The following EHBP1 variants were observed in gnomAD, a reference collection of about 807,000 sequenced individuals.
EHBP1 encodes the protein EH domain-binding protein 1.
A neutral mutation model predicts 144.0 loss-of-function variants in EHBP1; 55 were observed. That is an observed-to-expected ratio of 0.38 (90% CI 0.31 to 0.48). The LOEUF is 0.48. Ranked by LOEUF, EHBP1 falls within the 20% of genes least tolerant of loss-of-function variation. The pLI is 0.98. For missense variants in EHBP1, 1,200 were observed against 1,364.2 expected (o/e 0.88, Z 1.90); for synonymous variants, 469 against 472.7 (o/e 0.99, Z 0.10).
intron 10 of EHBP1, among the ~76,000 whole-genome samples, chr2:62,925,564 G>A (rs1473897500): frequency 1.3e-5 from 2 of 151,884 alleles, no homozygotes; most frequent in Non-Finnish European, 2.9e-5. Context: ...ACTGATAAAC[G>A]AGTTCAGTAA....
At chr2:62,911,302 TA>T (rs2054196162) in intron 10 of EHBP1, among the ~76,000 whole-genome samples, 1 of 152,154 alleles carries the variant, frequency 6.6e-6, no homozygotes, top group Non-Finnish European at 1.5e-5. Context: ...TTAATATACA[TA>T]AAGTACTTGG....
At chr2:62,812,979 A>C (rs2045141621) in intron 5 of EHBP1, among the ~76,000 whole-genome samples, 1 of 152,186 alleles carries the variant, frequency 6.6e-6, no homozygotes, top group Non-Finnish European at 1.5e-5. Flanking sequence ...AAGAGAGTAC[A>C]ACTAGAAGGG....
intron 10 of EHBP1, among the ~76,000 whole-genome samples, chr2:62,875,127 T>C (rs747648931): frequency 1.1e-4 from 17 of 152,118 alleles, no homozygotes; most frequent in Admixed American, 1.3e-4. Flanking sequence ...GCACCCCACC[T>C]CATTGCCGCC....
intron 1 of EHBP1, among the ~76,000 whole-genome samples, chr2:62,697,859 T>G (rs1348841345): frequency 1.3e-5 from 2 of 152,224 alleles, no homozygotes; most frequent in Non-Finnish European, 2.9e-5. Context: ...GAAAACAGAA[T>G]GAACTATTGG....
intron 1 of EHBP1, among the ~76,000 whole-genome samples, chr2:62,697,610 G>A (rs762299184): frequency 2.6e-5 from 4 of 152,268 alleles, no homozygotes; most frequent in Non-Finnish European, 4.4e-5. Flanking sequence ...AGCTCCAGGA[G>A]GACAGGGATT....
At chr2:62,736,862 T>C (rs895332230) in intron 2 of EHBP1, among the ~76,000 whole-genome samples, 1 of 152,228 alleles carries the variant, frequency 6.6e-6, no homozygotes, top group African/African-American at 2.4e-5. Context: ...GCTCTGTCTC[T>C]TCAAACTCTG....
chr2:62,876,558 G>C (rs142596122), intron 10 of EHBP1, among the ~76,000 whole-genome samples: 1 of 152,130 alleles, frequency 6.6e-6, no homozygotes, highest in Non-Finnish European at 1.5e-5. Context: ...GTATTAGTCT[G>C]TTCTCACATT....
At chr2:62,969,748 A>G (rs2058413253) in intron 14 of EHBP1, among the ~76,000 whole-genome samples, 2 of 152,216 alleles carry the variant, frequency 1.3e-5, no homozygotes. Flanking sequence ...TTTTGCAACA[A>G]GAAAGGCTGA....
Position 62,996,642 on chromosome 2 carries a change from G to C in EHBP1, c.2980-1G>C, listed in dbSNP as rs2059640302. 6.2e-7 allele frequency: 1 copy of C among 1,612,788 alleles called. No homozygotes were observed. Among genetic ancestry groups the C allele is most frequent in the Non-Finnish European group, 8.5e-7 (1 of 1,179,398 alleles). ...TCCTTCCTGTTTGTTCTTGTTAACAGAAAGGGTTCAAAGACACCAGTCAGT... is the reference window on the plus strand; with the variant it reads ...TCCTTCCTGTTTGTTCTTGTTAACACAAAGGGTTCAAAGACACCAGTCAGT... On this transcript the variant is annotated splice_acceptor_variant, in intron 18 of 22. Coordinates refer to ENST00000431489, the MANE Select transcript of EHBP1 (RefSeq NM_001142616.3). LOFTEE classifies it high-confidence loss of function.
At chr2:62,790,630 C>T (rs1219949702) in intron 5 of EHBP1, among the ~76,000 whole-genome samples, 1 of 152,042 alleles carries the variant, frequency 6.6e-6, no homozygotes, top group South Asian at 2.1e-4. Context: ...ATTTTCGTTT[C>T]TACATGTAAG....
Position 62,860,689 on chromosome 2 carries a change from C to T in EHBP1, c.757+1398C>T, listed in dbSNP as rs371290558. Reference sequence around the variant, plus strand: ...TTTATACTACATACAATTAAGTATACTGAGTTCAAAAATATTTACAAAATG... The same window carrying T: ...TTTATACTACATACAATTAAGTATATTGAGTTCAAAAATATTTACAAAATG... On this transcript the variant is annotated intron_variant, in intron 8 of 22. Transcript: ENST00000431489. Among the ~76,000 whole-genome samples the T allele has an allele frequency of 5.6e-4, 85 of 152,246 alleles. 1 individual carries two copies. Among genetic ancestry groups the T allele is most frequent in the South Asian group, 2.3e-3 (11 of 4,826 alleles).
At chr2:62,688,565 T>G (rs1350452514) in intron 1 of EHBP1, among the ~76,000 whole-genome samples, 7 of 152,214 alleles carry the variant, frequency 4.6e-5, no homozygotes, top group Admixed American at 4.6e-4. Flanking sequence ...ACACTAAAAC[T>G]TATTCCTTCT....
chr2:63,025,514 C>T (rs577226622), intron 19 of EHBP1, among the ~76,000 whole-genome samples: 2 of 152,296 alleles, frequency 1.3e-5, no homozygotes, highest in East Asian at 3.9e-4. Flanking sequence ...CCTGTCACTT[C>T]GGCCATCCAA....
At position 62,990,890 on chromosome 2, in the gene EHBP1, T is replaced by C. The variant is rs775579322; in HGVS notation, c.2733+50T>C. ...TTGGCTTAGTATCTGTGTCTTCTAG[T>C]TTCTGCCAGGAGTTTGTAATTCCAA... On this transcript the variant is annotated intron_variant, in intron 16 of 22. Transcript: ENST00000431489. The C allele has an allele frequency of 1.3e-5, 20 of 1,539,886 alleles. No homozygotes were observed. In the African/African-American group the frequency reaches 2.5e-4, roughly 19 times the overall value.
intron 5 of EHBP1, among the ~76,000 whole-genome samples, chr2:62,781,098 C>T (rs2042393316): frequency 6.6e-6 from 1 of 152,094 alleles, no homozygotes; most frequent in Non-Finnish European, 1.5e-5. Flanking sequence ...TGGTCTCTGA[C>T]TTCCAGTATC....
intron 2 of EHBP1, among the ~76,000 whole-genome samples, chr2:62,729,588 TAA>T (rs2037289835): frequency 7.9e-6 from 1 of 126,808 alleles, no homozygotes; most frequent in African/African-American, 3.1e-5. Flanking sequence ...AATATAATAA[TAA>T]TATATATAAT....
At chr2:62,973,212 C>T (rs1268060577) in intron 14 of EHBP1, among the ~76,000 whole-genome samples, 1 of 152,116 alleles carries the variant, frequency 6.6e-6, no homozygotes, top group Non-Finnish European at 1.5e-5. Context: ...TCATTTATTT[C>T]ATCTTAACTC....
At chr2:62,753,265 T>TGGGCTGCACCCATA (rs2039932325) in intron 3 of EHBP1, among the ~76,000 whole-genome samples, 1 of 152,178 alleles carries the variant, frequency 6.6e-6, no homozygotes, top group Non-Finnish European at 1.5e-5. Flanking sequence ...TTATGAAGCT[T>TGGGCTGCACCCATA]AGTTTGGCTG....
intron 1 of EHBP1, among the ~76,000 whole-genome samples, chr2:62,687,881 T>C (rs1395388764): frequency 2.0e-5 from 3 of 152,106 alleles, no homozygotes; most frequent in Non-Finnish European, 2.9e-5. Context: ...AGTCCCAAAG[T>C]AGTTACTGTC....
Sources: gnomAD v4.1 joint callset for allele counts (sites outside exome capture counted in the v4.1 genomes callset) on GRCh38, gnomAD v4.1.1 for gene constraint, MANE v1.5 for transcripts, NCBI Gene and HGNC (gene_info 2026-07-23, HGNC 2026-07-21) for gene names.